The following KLHL18 variants were observed in gnomAD, a reference collection of about 807,000 sequenced individuals.
The protein encoded by KLHL18 is kelch-like protein 18.
In KLHL18, 38 loss-of-function variants were observed where a neutral mutation model predicts 58.5. The observed-to-expected ratio is 0.65, with a 90% CI of 0.50 to 0.85. The LOEUF (loss-of-function observed/expected upper bound fraction) is 0.85. Among genes scored for constraint, KLHL18 ranks in the 40% least tolerant of loss-of-function variants. The probability of loss-of-function intolerance (pLI) is 0.00; values close to 1 mark genes in which losing one functional copy is unlikely to be tolerated. For synonymous variants in KLHL18, 303 were observed against 301.9 expected, an observed-to-expected ratio of 1.00 and a Z score of -0.04; for missense variants, 624 against 778.4, an observed-to-expected ratio of 0.80 and a Z score of 2.36.
intron 1 of KLHL18, among the ~76,000 whole-genome samples, chr3:47,291,639 A>T (rs116196627): frequency 6.6e-6 from 1 of 152,232 alleles, no homozygotes. Flanking sequence ...TCCGTTGCCT[A>T]TAGTTTACTG....
chr3:47,338,905 C>T (rs573621927), intron 7 of KLHL18: 1 of 152,270 alleles, frequency 6.6e-6, no homozygotes, highest in African/African-American at 2.4e-5. Context: ...TAATCTTCAC[C>T]AGCATCACAT....
chr3:47,330,411 C>A (rs1199832934), intron 4 of KLHL18, among the ~76,000 whole-genome samples: 2 of 152,026 alleles, frequency 1.3e-5, no homozygotes. Flanking sequence ...CTCATCCTCC[C>A]ACATCAGCCT....
At chr3:47,290,663 T>C (rs1702773645) in intron 1 of KLHL18, among the ~76,000 whole-genome samples, 1 of 152,072 alleles carries the variant, frequency 6.6e-6, no homozygotes, top group Non-Finnish European at 1.5e-5. Context: ...GGCCTCACCT[T>C]GTGGTCTAGG....
Position 47,342,843 on chromosome 3 carries a change from TC to T in KLHL18, c.1338+18del, listed in dbSNP as rs1295482509. Reference sequence around the variant, plus strand: ...GATCTTCAGCAGTGTGAGTCTGGGCTCCCCCTGGGATAAGGGTACCTACTTC... The same window carrying T: ...GATCTTCAGCAGTGTGAGTCTGGGCTCCCCTGGGATAAGGGTACCTACTTC... On this transcript the variant is annotated intron_variant, in intron 9 of 9. Transcript: ENST00000232766. 1.3e-6 allele frequency: 2 copies of T among 1,580,344 alleles called. No individual in the cohort carries two copies. The highest frequency in any genetic ancestry group is 1.1e-5 in the South Asian group (1 of 90,372).
At chr3:47,300,068 C>T (rs1702982538) in intron 1 of KLHL18, among the ~76,000 whole-genome samples, 1 of 150,930 alleles carries the variant, frequency 6.6e-6, no homozygotes, top group Admixed American at 6.6e-5. Context: ...TCCTCCCTCT[C>T]TCTTTCTCAC....
chr3:47,322,688 C>A lies in KLHL18; in HGVS notation c.381C>A (p.Cys127Ter). 1 of 1,592,820 alleles carries A rather than the reference C, an allele frequency of 6.3e-7. No homozygotes were observed. Among genetic ancestry groups the A allele is most frequent in the Non-Finnish European group, 8.5e-7 (1 of 1,170,136 alleles). Reference protein sequence around the residue: ...FLQLQSIKDACCTFLRERLHP... With the variant: ...FLQLQSIKDA ...AGCTGCAGAGCATCAAAGACGCCTGCTGCACATTCCTTCGAGAACGGTGAG... is the reference window on the plus strand; with the variant it reads ...AGCTGCAGAGCATCAAAGACGCCTGATGCACATTCCTTCGAGAACGGTGAG... Residue 127 changes from cysteine to a stop codon, truncating the protein, a stop_gained, in exon 3 of 10, where the codon TGC (cysteine) becomes TGA (stop). Transcript: ENST00000232766. LOFTEE classifies it high-confidence loss of function.
At chr3:47,333,452 C>A in intron 5 of KLHL18, 135 bp downstream of exon 5, 4 of 848,094 alleles carry the variant, frequency 4.7e-6, no homozygotes, top group Non-Finnish European at 7.1e-6. Context: ...TTGGTCTGCC[C>A]TCTGTCTAGA....
chr3:47,286,140 A>AT (rs71619680), intron 1 of KLHL18, among the ~76,000 whole-genome samples: 1 of 152,024 alleles, frequency 6.6e-6, no homozygotes, highest in South Asian at 2.1e-4. Context: ...CAGTATATTT[A>AT]TTTTTTTCTC....
chr3:47,301,671 G>A (rs1298786417), intron 1 of KLHL18, among the ~76,000 whole-genome samples: 2 of 152,124 alleles, frequency 1.3e-5, no homozygotes, highest in African/African-American at 4.8e-5. Flanking sequence ...TTGACCCCCT[G>A]CCCCCATTCA....
intron 1 of KLHL18, among the ~76,000 whole-genome samples, chr3:47,301,626 G>A (rs929625551): frequency 1.3e-5 from 2 of 152,294 alleles, no homozygotes; most frequent in South Asian, 2.1e-4. Context: ...CTGTAGCTAT[G>A]TAGTTGACCC....
At chr3:47,330,920 C>T (rs753778087) in intron 4 of KLHL18, among the ~76,000 whole-genome samples, 26 of 151,848 alleles carry the variant, frequency 1.7e-4, no homozygotes, top group Middle Eastern at 3.4e-3. Flanking sequence ...TCAGTAGAGA[C>T]GGGGTTTCAC....
At chr3:47,316,713 A>G (rs1227424612) in intron 1 of KLHL18, among the ~76,000 whole-genome samples, 9 of 20,614 alleles carry the variant, frequency 4.4e-4, no homozygotes, top group South Asian at 1.8e-3. Flanking sequence ...ATACGTATAT[A>G]TGTATATGTG....
rs1180465747 is a variant in KLHL18 at position 47,343,606 on chromosome 3, C to T, written c.1390C>T (p.Leu464Phe). ...CACCTGGCACCCTGCAGCTGGCATG[C>T]TCAACAAGCGCTGCCGGCACGGAGC... is the stretch of plus-strand genomic sequence containing the variant. ...TATWHPAAGMLNKRCRHGAAS... is the reference protein window; with the variant it reads ...TATWHPAAGMFNKRCRHGAAS... The change falls in exon 10 of 10, where the codon CTC becomes TTC. Residue 464 changes from leucine to phenylalanine, a missense_variant. Transcript: ENST00000232766. The T allele has an allele frequency of 6.2e-6, 10 of 1,614,094 alleles. No homozygotes were observed. Among genetic ancestry groups the T allele is most frequent in the Non-Finnish European group, 8.5e-6 (10 of 1,180,034 alleles).
chr3:47,319,797 C>T lies in KLHL18; in HGVS notation c.260+14C>T. 6.2e-7 allele frequency: 1 copy of T among 1,612,162 alleles called. No homozygotes were observed. On this transcript the variant is annotated intron_variant, in intron 2 of 9. Transcript: ENST00000232766. ...AATGGACCCAAGGTACTGAATCCCA[C>T]CATTAGGTTTCGCAGGCTGCTTTCC...
At chr3:47,308,981 C>CTTG (rs1703217818) in intron 1 of KLHL18, among the ~76,000 whole-genome samples, 1 of 152,148 alleles carries the variant, frequency 6.6e-6, no homozygotes, top group Non-Finnish European at 1.5e-5. Flanking sequence ...TCTTAAGGAG[C>CTTG]ATGCTGCCTT....
chr3:47,340,747 T>C, intron 8 of KLHL18, 71 bp downstream of exon 8: 3 of 1,573,588 alleles, frequency 1.9e-6, no homozygotes, highest in Non-Finnish European at 2.6e-6. Context: ...AACTGTAGTT[T>C]TTTTAATTTA....
chr3:47,301,242 A>AT (rs780629746), intron 1 of KLHL18, among the ~76,000 whole-genome samples: 33 of 147,730 alleles, frequency 2.2e-4, no homozygotes, highest in Admixed American at 2.7e-4. Flanking sequence ...ATTTAGTCCA[A>AT]TTTTTTTTTT....
At chr3:47,302,674 C>T (rs1414344973) in intron 1 of KLHL18, among the ~76,000 whole-genome samples, 1 of 152,176 alleles carries the variant, frequency 6.6e-6, no homozygotes, top group African/African-American at 2.4e-5. Context: ...ACAAGTGGAC[C>T]TACACAGTTC....
At chr3:47,329,922 A>C (rs1576176332) in intron 3 of KLHL18, 29 bp from the exon 4 acceptor site, 1 of 1,592,302 alleles carries the variant, frequency 6.3e-7, no homozygotes, top group East Asian at 2.2e-5. Context: ...TTCTTCCTCT[A>C]ATTTTTTTTT....
Sources: allele counts gnomAD v4.1 joint callset (sites outside exome capture counted in the v4.1 genomes callset), GRCh38; gene constraint gnomAD v4.1.1; transcripts MANE v1.5; gene names NCBI Gene and HGNC (gene_info 2026-07-23, HGNC 2026-07-21).